The following DNAH6 variants were observed in gnomAD, a reference collection of about 807,000 sequenced individuals.
DNAH6 encodes dynein axonemal heavy chain 6.
A neutral mutation model predicts 491.4 loss-of-function variants in DNAH6; 340 were observed. The observed-to-expected ratio is 0.69, with a 90% CI of 0.63 to 0.76. The LOEUF (loss-of-function observed/expected upper bound fraction) is 0.76. Among genes scored for constraint, DNAH6 ranks in the 30% least tolerant of loss-of-function variants. The pLI, the probability that DNAH6 is intolerant of heterozygous loss-of-function variation, is 0.00. For missense variants in DNAH6, 4,443 were observed against 4,972.2 expected (o/e 0.89, Z 3.20); for synonymous variants, 1,603 against 1,686.1 (o/e 0.95, Z 1.21).
Position 84,634,587 on chromosome 2 carries a change from T to G in DNAH6, c.4599T>G (p.Val1533=). ...AATTTAATCGAATTGACATAGAAGT[T>G]CTGTCCGTCATCGCGCAGCAACTCA... ...FDEFNRIDIE[V]LSVIAQQLIT... is the part of the protein sequence containing the mutation. Residue 1533 remains valine, a synonymous_variant, in exon 30 of 77, where the codon GTT becomes GTG. Transcript: ENST00000389394. 1.3e-6 allele frequency: 2 copies of G among 1,550,570 alleles called. No homozygotes were observed. Among genetic ancestry groups the G allele is most frequent in the Non-Finnish European group, 1.7e-6 (2 of 1,146,460 alleles).
intron 59 of DNAH6, among the ~76,000 whole-genome samples, chr2:84,720,209 A>C (rs1484212668): frequency 6.9e-6 from 1 of 145,384 alleles, no homozygotes; most frequent in Admixed American, 6.9e-5. Context: ...AAGATGACCT[A>C]GGGGGTCCTC....
intron 64 of DNAH6, among the ~76,000 whole-genome samples, chr2:84,774,393 T>C (rs1675926835): frequency 6.6e-6 from 1 of 152,110 alleles, no homozygotes; most frequent in Non-Finnish European, 1.5e-5. Context: ...GCTTTATTTC[T>C]GGGGTCTCTA....
intron 46 of DNAH6, among the ~76,000 whole-genome samples, chr2:84,696,291 G>A (rs1043424210): frequency 1.3e-5 from 2 of 151,714 alleles, no homozygotes; most frequent in East Asian, 1.9e-4. Context: ...AGCTGTACTC[G>A]TAACATTCTT....
chr2:84,561,527 A>G (rs1447076979), intron 11 of DNAH6, among the ~76,000 whole-genome samples: 1 of 152,256 alleles, frequency 6.6e-6, no homozygotes, highest in East Asian at 1.9e-4. Context: ...ACAAAAGCCA[A>G]AATTGACAAA....
chr2:84,734,662 A>G (rs894535621), intron 62 of DNAH6, among the ~76,000 whole-genome samples: 2 of 152,134 alleles, frequency 1.3e-5, no homozygotes, highest in Non-Finnish European at 2.9e-5. Context: ...TATTTACCTT[A>G]CTAATGTTCT....
At chr2:84,517,566 C>A (rs1675715858) in intron 1 of DNAH6, among the ~76,000 whole-genome samples, 1 of 152,200 alleles carries the variant, frequency 6.6e-6, no homozygotes, top group African/African-American at 2.4e-5. Flanking sequence ...CCGCCAAGAA[C>A]TTGCAAGAAA....
At position 84,697,740 on chromosome 2, in the gene DNAH6, AG is replaced by A. The variant is rs112288478; in HGVS notation, c.7677+14del. 1.2e-3 allele frequency: 1,799 copies of A among 1,551,652 alleles called. 15 individuals carry two copies. In the African/African-American group the frequency reaches 0.021, roughly 18 times the overall value. ...GAACAGAGACGAGGTAGGATGTGCCAGAGTAGTTATGTGGCTTTATCACAAA... is the reference window on the plus strand; with the variant it reads ...GAACAGAGACGAGGTAGGATGTGCCAAGTAGTTATGTGGCTTTATCACAAA... On this transcript the variant is annotated intron_variant, in intron 47 of 76. Coordinates refer to ENST00000389394, the MANE Select transcript of DNAH6 (RefSeq NM_001370.2).
intron 57 of DNAH6, among the ~76,000 whole-genome samples, chr2:84,714,685 C>T (rs981774626): frequency 2.6e-5 from 4 of 151,788 alleles, no homozygotes; most frequent in Admixed American, 1.3e-4. Flanking sequence ...GTGTGACCAA[C>T]GTGCCAACTT....
At chr2:84,771,115 C>T (rs962610666) in intron 64 of DNAH6, among the ~76,000 whole-genome samples, 1 of 151,918 alleles carries the variant, frequency 6.6e-6, no homozygotes, top group Admixed American at 6.6e-5. Flanking sequence ...ATGGAGAAAT[C>T]CTGTCTCTAC....
chr2:84,647,974 C>T (rs1240843483), intron 33 of DNAH6, among the ~76,000 whole-genome samples: 1 of 152,006 alleles, frequency 6.6e-6, no homozygotes, highest in African/African-American at 2.4e-5. Context: ...CTGATTTTTC[C>T]TAAATAGATG....
At chr2:84,546,607 A>T (rs1433395951) in intron 5 of DNAH6, among the ~76,000 whole-genome samples, 1 of 152,080 alleles carries the variant, frequency 6.6e-6, no homozygotes, top group Non-Finnish European at 1.5e-5. Context: ...AAAGTTGGCA[A>T]ATTATGTTGG....
the DNAH6 span, among the ~76,000 whole-genome samples, chr2:84,473,845 G>A: frequency 3.9e-5 from 6 of 152,130 alleles, no homozygotes; most frequent in African/African-American, 1.2e-4. Flanking sequence ...ACTGTTTGTA[G>A]CACAACATCA....
At position 84,722,735 on chromosome 2, in the gene DNAH6, G is replaced by A. The variant is rs1698277088; in HGVS notation, c.9903G>A (p.Met3301Ile). The A allele has an allele frequency of 3.9e-6, 6 of 1,542,084 alleles. No individual in the cohort carries two copies. The highest frequency in any genetic ancestry group is 5.2e-6 in the Non-Finnish European group (6 of 1,144,214). ...CAGTGGCCACTCAAGGCTCTGTAAT[G>A]TACTTTGTCATTGCAAGCCTCTCAG... ...YRPVATQGSVMYFVIASLSEI... is the reference protein window; with the variant it reads ...YRPVATQGSVIYFVIASLSEI... Residue 3301 changes from methionine to isoleucine, a missense_variant, in exon 60 of 77, where the codon ATG (methionine) becomes ATA (isoleucine). Transcript: ENST00000389394.
chr2:84,798,604 G>A (rs1016851238), intron 70 of DNAH6, among the ~76,000 whole-genome samples: 4 of 152,200 alleles, frequency 2.6e-5, no homozygotes, highest in East Asian at 3.9e-4. Context: ...GCATGCTCAT[G>A]CCTCAAGACA....
At chr2:84,681,153 C>A (rs949201713) in intron 41 of DNAH6, among the ~76,000 whole-genome samples, 5 of 152,086 alleles carry the variant, frequency 3.3e-5, no homozygotes, top group Admixed American at 1.3e-4. Context: ...GCCACTCAGG[C>A]ATCACAAAAC....
chr2:84,534,786 A>G (rs954184472), intron 4 of DNAH6, among the ~76,000 whole-genome samples: 13 of 152,032 alleles, frequency 8.6e-5, no homozygotes, highest in African/African-American at 3.1e-4. Flanking sequence ...TAAAACTTAA[A>G]AAATAATTTT....
chr2:84,812,416 A>G lies in DNAH6; in HGVS notation c.11815A>G (p.Ser3939Gly). 2 of 1,551,752 alleles carry G rather than the reference A, an allele frequency of 1.3e-6. No homozygotes were observed. Among genetic ancestry groups the G allele is most frequent in the Non-Finnish European group, 1.7e-6 (2 of 1,146,904 alleles). Residue 3939 changes from serine to glycine, a missense_variant, in exon 73 of 77, where the codon AGT (serine) becomes GGT (glycine). By Grantham distance (56) the Ser-to-Gly change is moderately conservative. Transcript: ENST00000389394. ...MSEEMEKVYN[S>G]FLNNQVPALW... is the part of the protein sequence containing the mutation. Reference sequence around the variant, plus strand: ...TGAAGAAATGGAAAAAGTGTATAACAGTTTCCTCAACAACCAGGTTCCCGC... The same window carrying G: ...TGAAGAAATGGAAAAAGTGTATAACGGTTTCCTCAACAACCAGGTTCCCGC...
chr2:84,731,343 A>T (rs1699097488), intron 61 of DNAH6, among the ~76,000 whole-genome samples: 1 of 152,222 alleles, frequency 6.6e-6, no homozygotes, highest in Non-Finnish European at 1.5e-5. Flanking sequence ...GAGTGTAGCC[A>T]AAAGGTGGGG....
Position 84,640,592 on chromosome 2 carries a change from G to A in DNAH6, c.4970+14G>A. 6.5e-7 allele frequency: 1 copy of A among 1,538,464 alleles called. No individual in the cohort carries two copies. Among genetic ancestry groups the A allele is most frequent in the Non-Finnish European group, 8.8e-7 (1 of 1,141,610 alleles). ...GGTCATGGCTGGGTAAGAAACCAAA[G>A]TAGTCAAGAGTGAAATCCCAAACCA... On this transcript the variant is annotated intron_variant, in intron 32 of 76. Transcript: ENST00000389394.
Sources: gnomAD v4.1 joint callset for allele counts (sites outside exome capture counted in the v4.1 genomes callset) on GRCh38, gnomAD v4.1.1 for gene constraint, MANE v1.5 for transcripts, NCBI Gene and HGNC (gene_info 2026-07-23, HGNC 2026-07-21) for gene names.